Variants in PDE6B observed in about 807,000 individuals in gnomAD.
The protein encoded by PDE6B is phosphodiesterase 6B.
In PDE6B, 106 loss-of-function variants were observed where a neutral mutation model predicts 109.0. The observed-to-expected ratio is 0.97, with a 90% CI of 0.83 to 1.14. PDE6B has a LOEUF of 1.14. Among genes scored for constraint, PDE6B ranks in the 50% most tolerant of loss-of-function variants. The probability of loss-of-function intolerance (pLI) is 0.00; values close to 1 mark genes in which losing one functional copy is unlikely to be tolerated. For synonymous variants in PDE6B, 490 were observed against 471.3 expected, an observed-to-expected ratio of 1.04 and a Z score of -0.51; for missense variants, 1,193 against 1,155.6, an observed-to-expected ratio of 1.03 and a Z score of -0.47.
chr4:667,017 G>C (rs1400010884), intron 20 of PDE6B, among the ~76,000 whole-genome samples: 1 of 152,226 alleles, frequency 6.6e-6, no homozygotes, highest in Admixed American at 6.5e-5. Flanking sequence ...GGGCTGGGTC[G>C]GCCTGTCTGC....
intron 1 of PDE6B, among the ~76,000 whole-genome samples, chr4:630,452 CAGTG>C: frequency 6.6e-6 from 1 of 152,212 alleles, no homozygotes; most frequent in Middle Eastern, 3.4e-3. Flanking sequence ...GAGCAGGTGT[CAGTG>C]AGAGAGTGGC....
At position 663,129 on chromosome 4, in the gene PDE6B, G is replaced by T; in HGVS notation, c.1862G>T (p.Gly621Val). 6.8e-6 allele frequency: 11 copies of T among 1,612,182 alleles called. No individual in the cohort carries two copies. Among genetic ancestry groups the T allele is most frequent in the South Asian group, 5.5e-5 (5 of 91,040 alleles). Residue 621 changes from glycine to valine, a missense_variant, in exon 15 of 22, where the codon GGC (glycine) becomes GTC (valine). By Grantham distance (109) the Gly-to-Val change is moderately radical. Coordinates refer to ENST00000496514, the MANE Select transcript of PDE6B (RefSeq NM_000283.4). This position sits in a 1 kb window ranked among gnomAD's most constrained non-coding sequence, Gnocchi z 4.0. ...CAGAACCCCTTGGCTAAGCTCCACGGCTCCTCGATTTTGGAGCGGCACCAC... is the reference window on the plus strand; with the variant it reads ...CAGAACCCCTTGGCTAAGCTCCACGTCTCCTCGATTTTGGAGCGGCACCAC... ...KSQNPLAKLH[G>V]SSILERHHLE...
chr4:625,780 C>A lies in PDE6B; in HGVS notation c.154C>A (p.Gln52Lys). 6.2e-7 allele frequency: 1 copy of A among 1,613,448 alleles called. No individual in the cohort carries two copies. Among genetic ancestry groups the A allele is most frequent in the Non-Finnish European group, 8.5e-7 (1 of 1,179,930 alleles). The change falls in exon 1 of 22, where the codon CAG (glutamine) becomes AAG (lysine). Residue 52 changes from glutamine (Q) to lysine (K), a missense_variant. Physicochemically the swap from Gln to Lys is moderately conservative, Grantham distance 53. Coordinates refer to ENST00000496514, the MANE Select transcript of PDE6B (RefSeq NM_000283.4). This position sits in a 1 kb window ranked among gnomAD's most constrained non-coding sequence, Gnocchi z 5.0. ...CTGCGACAGCCTCCGGGACCTCTGCCAGGTGGAGGAGAGCACGGCGCTGCT... is the reference window on the plus strand; with the variant it reads ...CTGCGACAGCCTCCGGGACCTCTGCAAGGTGGAGGAGAGCACGGCGCTGCT... ...PDCDSLRDLC[Q>K]VEESTALLEL...
At chr4:632,197 T>C (rs1734419323) in intron 1 of PDE6B, among the ~76,000 whole-genome samples, 1 of 152,138 alleles carries the variant, frequency 6.6e-6, no homozygotes, top group Non-Finnish European at 1.5e-5. Context: ...TGGCACCATC[T>C]GAGTGTCACG....
At position 663,179 on chromosome 4, in the gene PDE6B, T is replaced by A; in HGVS notation, c.1912T>A (p.Ser638Thr). The change falls in exon 15 of 22, where the codon TCG becomes ACG. Residue 638 changes from serine to threonine, a missense_variant. Transcript: ENST00000496514. The surrounding 1 kb of genome is among the most constrained non-coding windows in gnomAD (Gnocchi z 4.0). Reference sequence around the variant, plus strand: ...CCTGGAGTTTGGGAAGTTCCTGCTCTCGGAGGAGGTTGGTATACTCACCCT... The same window carrying A: ...CCTGGAGTTTGGGAAGTTCCTGCTCACGGAGGAGGTTGGTATACTCACCCT... ...HHLEFGKFLLSEETLNIYQNL... is the reference protein window; with the variant it reads ...HHLEFGKFLLTEETLNIYQNL... The A allele has an allele frequency of 6.3e-7, 1 of 1,588,560 alleles. No homozygotes were observed. The highest frequency in any genetic ancestry group is 1.3e-5 in the African/African-American group (1 of 74,484).
At chr4:659,843 T>G (rs1413312451) in intron 11 of PDE6B, among the ~76,000 whole-genome samples, 1 of 152,202 alleles carries the variant, frequency 6.6e-6, no homozygotes, top group Admixed American at 6.5e-5. Context: ...TGGATCAATG[T>G]GGGGATTATG....
At chr4:632,320 G>A (rs1399307058) in intron 1 of PDE6B, among the ~76,000 whole-genome samples, 1 of 151,890 alleles carries the variant, frequency 6.6e-6, no homozygotes, top group African/African-American at 2.4e-5. Context: ...GGGTCATCTT[G>A]TGTGATGCCA....
At chr4:640,557 C>CTTAGCA (rs1336760576) in intron 3 of PDE6B, among the ~76,000 whole-genome samples, 1 of 152,052 alleles carries the variant, frequency 6.6e-6, no homozygotes, top group Non-Finnish European at 1.5e-5. Context: ...AAAAATCCAA[C>CTTAGCA]TTAGCATTTT....
intron 3 of PDE6B, among the ~76,000 whole-genome samples, chr4:642,863 A>G (rs1301863744): frequency 1.3e-5 from 2 of 152,058 alleles, no homozygotes; most frequent in Non-Finnish European, 2.9e-5. Flanking sequence ...GGATTTTTCA[A>G]ATTTTTTTCT....
intron 1 of PDE6B, among the ~76,000 whole-genome samples, chr4:629,154 G>A (rs960192938): frequency 6.6e-6 from 1 of 152,226 alleles, no homozygotes; most frequent in Admixed American, 6.5e-5. Context: ...CAAGCCTCTT[G>A]GCAGGAAGGA....
intron 3 of PDE6B, chr4:652,076 G>GA (rs1380555433): frequency 3.0e-5 from 4 of 134,702 alleles, no homozygotes; most frequent in African/African-American, 1.1e-4. Context: ...CCATCGGTGA[G>GA]GCAGGAGTCA....
chr4:625,799 C>T lies in PDE6B; in HGVS notation c.173C>T (p.Ala58Val), dbSNP rs200898108. ...RDLCQVEEST[A>V]LLELVQDMQE... ...CTCTGCCAGGTGGAGGAGAGCACGG[C>T]GCTGCTGGAGCTGGTGCAGGATATG... is the stretch of plus-strand genomic sequence containing the variant. The change falls in exon 1 of 22, where the codon GCG (alanine) becomes GTG (valine). Residue 58 changes from alanine to valine, a missense_variant. Ala to Val is a moderately conservative substitution (Grantham distance 64). Transcript: ENST00000496514. This position sits in a 1 kb window ranked among gnomAD's most constrained non-coding sequence, Gnocchi z 5.0. 52 of 1,613,312 alleles carry T rather than the reference C, an allele frequency of 3.2e-5. No individual in the cohort carries two copies. Among genetic ancestry groups the T allele is most frequent in the South Asian group, 5.5e-5 (5 of 91,084 alleles).
rs984482799 is a variant in PDE6B at position 648,336 on chromosome 4, G to A, written c.712-5516G>A. On this transcript the variant is annotated intron_variant, in intron 3 of 21. Transcript: ENST00000496514. The surrounding 1 kb of genome is among the most constrained non-coding windows in gnomAD (Gnocchi z 4.5). ...TGTTTCTGGGTCTTGCCCTCCGAAC[G>A]GCATTTTTAGGCATCCTGACTTGCA... 6.6e-6 allele frequency among the ~76,000 whole-genome samples: 1 copy of A among 152,100 alleles called. No homozygotes were observed. Among genetic ancestry groups the A allele is most frequent in the African/African-American group, 2.4e-5 (1 of 41,342 alleles).
At chr4:640,468 G>A (rs1225125071) in intron 3 of PDE6B, among the ~76,000 whole-genome samples, 6 of 152,082 alleles carry the variant, frequency 3.9e-5, no homozygotes, top group African/African-American at 1.2e-4. Context: ...GAACCTGGGA[G>A]ACAGAGGTTG....
chr4:626,207 C>A lies in PDE6B; in HGVS notation c.468+113C>A, dbSNP rs9995112. On this transcript the variant is annotated intron_variant, in intron 1 of 21. Coordinates refer to ENST00000496514, the MANE Select transcript of PDE6B (RefSeq NM_000283.4). The surrounding 1 kb of genome is among the most constrained non-coding windows in gnomAD (Gnocchi z 4.6). ...CCTCCAGGGAGGCCTCTTGTCAGGGCACAGGCTAGTTCTGTGCTGAGGAGC... is the reference window on the plus strand; with the variant it reads ...CCTCCAGGGAGGCCTCTTGTCAGGGAACAGGCTAGTTCTGTGCTGAGGAGC... 1.3e-5 allele frequency: 9 copies of A among 713,972 alleles called. No homozygotes were observed. The South Asian group carries it at 1.4e-4, about 11-fold the overall frequency. The allele number at this position is 713,972 out of a possible 1,614,324, so 44.2% of individuals were successfully genotyped here. A position where few individuals can be genotyped will look rare whatever the true frequency, so the allele number is the denominator to read the frequency against.
chr4:634,090 G>A (rs1467690087), intron 1 of PDE6B, among the ~76,000 whole-genome samples: 1 of 152,006 alleles, frequency 6.6e-6, no homozygotes, highest in Non-Finnish European at 1.5e-5. Flanking sequence ...CCCTGGGAGT[G>A]TGTGCCTGGG....
rs371570614 is a variant in PDE6B at position 665,211 on chromosome 4, G to C, written c.2194-44G>C. The C allele has an allele frequency of 4.7e-6, 7 of 1,482,794 alleles. No homozygotes were observed. Among genetic ancestry groups the C allele is most frequent in the Admixed American group, 1.7e-5 (1 of 59,160 alleles). 91.9% of individuals were successfully genotyped at this position (1,482,794 alleles called of 1,614,324 possible). A position where few individuals can be genotyped will look rare whatever the true frequency, so the allele number is the denominator to read the frequency against. Reference sequence around the variant, plus strand: ...ACGGGGCGGGCCCGGGCCCTTCCGCGTGGGCTCAGAGCTCCACAGACAGCT... The same window carrying C: ...ACGGGGCGGGCCCGGGCCCTTCCGCCTGGGCTCAGAGCTCCACAGACAGCT... On this transcript the variant is annotated intron_variant, in intron 18 of 21. Transcript: ENST00000496514. This position sits in a 1 kb window ranked among gnomAD's most constrained non-coding sequence, Gnocchi z 4.0.
chr4:650,473 T>C (rs1238255582), intron 3 of PDE6B, among the ~76,000 whole-genome samples: 1 of 151,266 alleles, frequency 6.6e-6, no homozygotes, highest in Non-Finnish European at 1.5e-5. Flanking sequence ...CGATCTGGAG[T>C]TGGAATTGAG....
At chr4:634,449 G>T (rs1734542070) in intron 1 of PDE6B, among the ~76,000 whole-genome samples, 1 of 152,182 alleles carries the variant, frequency 6.6e-6, no homozygotes, top group Non-Finnish European at 1.5e-5. Context: ...CTGAGCACTG[G>T]GGGGCACCAG....
Sources: gnomAD v4.1 joint callset for allele counts (sites outside exome capture counted in the v4.1 genomes callset) on GRCh38, gnomAD v4.1.1 for gene constraint, Gnocchi (gnomAD v3.1) non-coding constraint, MANE v1.5 for transcripts, NCBI Gene and HGNC (gene_info 2026-07-23, HGNC 2026-07-21) for gene names.